The following ESR1 variants were observed in gnomAD, a reference collection of about 807,000 sequenced individuals.
The protein encoded by ESR1 is estrogen receptor.
Under a neutral mutation model 52.7 loss-of-function variants are expected in ESR1, and 12 were observed. The observed-to-expected ratio is 0.23, with a 90% CI of 0.15 to 0.37. ESR1 has a LOEUF of 0.37. Among genes scored for constraint, ESR1 ranks in the 10% least tolerant of loss-of-function variants. The pLI, the probability that ESR1 is intolerant of heterozygous loss-of-function variation, is 1.00. For synonymous variants in ESR1, 305 were observed against 316.8 expected (o/e 0.96, Z 0.39); for missense variants, 584 against 779.7 (o/e 0.75, Z 2.99).
intron 2 of ESR1, among the ~76,000 whole-genome samples, chr6:151,866,164 C>A (rs115622865): frequency 6.6e-6 from 1 of 152,158 alleles, no homozygotes; most frequent in African/African-American, 2.4e-5. Context: ...AGATCATCTA[C>A]GCTAGTTTGA....
chr6:151,928,982 C>G (rs538132352), intron 3 of ESR1, among the ~76,000 whole-genome samples: 2 of 152,094 alleles, frequency 1.3e-5, no homozygotes, highest in Non-Finnish European at 2.9e-5. Context: ...AGAATGTGGT[C>G]TATCTTGGTG....
intron 2 of ESR1, among the ~76,000 whole-genome samples, chr6:151,787,725 T>C (rs1397982237): frequency 3.9e-5 from 6 of 152,174 alleles, no homozygotes; most frequent in African/African-American, 1.4e-4. Context: ...AAGTTGTTTA[T>C]CAGCTGAAGG....
intron 1 of ESR1, among the ~76,000 whole-genome samples, chr6:151,821,392 C>G (rs1780532954): frequency 6.6e-6 from 1 of 152,160 alleles, no homozygotes; most frequent in Non-Finnish European, 1.5e-5. Context: ...AATTTTTAAC[C>G]TCTGTTTGTC....
chr6:151,661,317 G>T (rs887340887), intron 1 of ESR1, among the ~76,000 whole-genome samples: 4 of 152,284 alleles, frequency 2.6e-5, no homozygotes, highest in Admixed American at 2.0e-4. Flanking sequence ...TGCCTATAAG[G>T]CCATGCTTTG....
intron 3 of ESR1, among the ~76,000 whole-genome samples, chr6:151,894,533 G>A (rs1421180017): frequency 6.6e-6 from 1 of 152,128 alleles, no homozygotes; most frequent in East Asian, 1.9e-4. Context: ...TTAGATTTAA[G>A]TCCTTGATCC....
chr6:151,879,720 G>A (rs1792471817), intron 2 of ESR1, among the ~76,000 whole-genome samples: 1 of 152,120 alleles, frequency 6.6e-6, no homozygotes, highest in South Asian at 2.1e-4. Context: ...GGATGTGGTG[G>A]GTTCCATGAT....
intron 5 of ESR1, among the ~76,000 whole-genome samples, chr6:152,014,571 C>T (rs1160194479): frequency 6.6e-6 from 1 of 152,180 alleles, no homozygotes; most frequent in African/African-American, 2.4e-5. Context: ...CACCTAGACA[C>T]TAAAGCTAGA....
chr6:151,797,941 G>A (rs534697283), intron 2 of ESR1, among the ~76,000 whole-genome samples: 1 of 152,272 alleles, frequency 6.6e-6, no homozygotes, highest in East Asian at 1.9e-4. Context: ...CATATGAGGT[G>A]GGAAAGGAAA....
upstream of ESR1, among the ~76,000 whole-genome samples, chr6:151,800,811 T>C (rs1777164633): frequency 6.6e-6 from 1 of 152,144 alleles, no homozygotes; most frequent in Non-Finnish European, 1.5e-5. Context: ...AATGCATTAC[T>C]CCCTCCACAG....
chr6:152,062,453 G>A (rs1189527098), intron 6 of ESR1, among the ~76,000 whole-genome samples: 1 of 152,190 alleles, frequency 6.6e-6, no homozygotes, highest in Non-Finnish European at 1.5e-5. Context: ...CACTAGGCAA[G>A]GACTGAATTA....
intron 1 of ESR1, among the ~76,000 whole-genome samples, chr6:151,660,373 C>T (rs964047928): frequency 6.6e-6 from 1 of 152,168 alleles, no homozygotes; most frequent in African/African-American, 2.4e-5. Context: ...AGGGACAGTT[C>T]TATGTTCTAA....
intron 6 of ESR1, among the ~76,000 whole-genome samples, chr6:152,118,026 T>A (rs1450644507): frequency 1.3e-5 from 2 of 152,288 alleles, no homozygotes; most frequent in East Asian, 3.9e-4. Context: ...AGTGAAAAAT[T>A]GCCTCCATGC....
intron 3 of ESR1, among the ~76,000 whole-genome samples, chr6:151,921,726 T>C (rs1346882443): frequency 6.6e-6 from 1 of 152,232 alleles, no homozygotes; most frequent in Non-Finnish European, 1.5e-5. Context: ...TTTGGCCTCA[T>C]GAATGTCTTC....
chr6:152,120,778 C>T (rs776992229), intron 6 of ESR1, among the ~76,000 whole-genome samples: 11 of 152,178 alleles, frequency 7.2e-5, no homozygotes, highest in Non-Finnish European at 1.5e-4. Context: ...GAAAATCTAG[C>T]AAACCCCAGG....
At chr6:151,913,320 T>A (rs969644826) in intron 3 of ESR1, among the ~76,000 whole-genome samples, 3 of 152,132 alleles carry the variant, frequency 2.0e-5, no homozygotes, top group Non-Finnish European at 2.9e-5. Context: ...CCCCCACACG[T>A]AAACAGAACA....
chr6:151,882,586 A>G (rs1266916193), intron 3 of ESR1, among the ~76,000 whole-genome samples: 1 of 152,222 alleles, frequency 6.6e-6, no homozygotes, highest in East Asian at 1.9e-4. Context: ...GCTTTATTTG[A>G]AACAGTGGAG....
intron 2 of ESR1, among the ~76,000 whole-genome samples, chr6:151,859,216 AT>A (rs1159817234): frequency 6.6e-6 from 1 of 152,084 alleles, no homozygotes; most frequent in African/African-American, 2.4e-5. Flanking sequence ...TCCAGATCAT[AT>A]TTTATCACAA....
At chr6:151,685,163 G>C in intron 1 of ESR1, among the ~76,000 whole-genome samples, 1 of 112,616 alleles carries the variant, frequency 8.9e-6, no homozygotes, top group Non-Finnish European at 1.7e-5. Flanking sequence ...GTCTCGCTCT[G>C]TCGCCCAGGC....
chr6:151,900,138 A>G (rs1796459577), intron 3 of ESR1, among the ~76,000 whole-genome samples: 1 of 152,136 alleles, frequency 6.6e-6, no homozygotes, highest in Non-Finnish European at 1.5e-5. Flanking sequence ...TTCATTTTTT[A>G]AATTCTTTTT....
Sources: allele counts gnomAD v4.1 joint callset (sites outside exome capture counted in the v4.1 genomes callset), GRCh38; gene constraint gnomAD v4.1.1; transcripts MANE v1.5; gene names NCBI Gene and HGNC (gene_info 2026-07-23, HGNC 2026-07-21).